The following TRAF5 variants were observed in gnomAD, a reference collection of about 807,000 sequenced individuals.
TRAF5 encodes TNF receptor associated factor 5.
A neutral mutation model predicts 64.5 loss-of-function variants in TRAF5; 48 were observed. The ratio of observed to expected loss-of-function variants is 0.74; its 90% CI spans 0.59 to 0.95. TRAF5 has a LOEUF of 0.95. TRAF5 is among the 40% of genes least tolerant of loss of function. The pLI, the probability that TRAF5 is intolerant of heterozygous loss-of-function variation, is 0.00. For synonymous variants in TRAF5, 206 were observed against 240.5 expected (o/e 0.86, Z 1.33); for missense variants, 545 against 662.8 (o/e 0.82, Z 1.95).
intron 1 of TRAF5, among the ~76,000 whole-genome samples, chr1:211,335,399 G>A (rs1156819830): frequency 1.3e-5 from 2 of 152,292 alleles, no homozygotes; most frequent in African/African-American, 4.8e-5. Context: ...ACCCCAAGTG[G>A]CAACTGTTAA....
chr1:211,364,642 T>C (rs1397806684), intron 7 of TRAF5, among the ~76,000 whole-genome samples: 1 of 151,918 alleles, frequency 6.6e-6, no homozygotes, highest in African/African-American at 2.4e-5. Context: ...GCCAAGGTTG[T>C]GCCACCATAC....
intron 1 of TRAF5, among the ~76,000 whole-genome samples, chr1:211,331,569 T>C (rs951982960): frequency 6.6e-6 from 1 of 152,164 alleles, no homozygotes; most frequent in Non-Finnish European, 1.5e-5. Context: ...TAGAGCATTG[T>C]GGGGTTTCTG....
chr1:211,345,764 C>T (rs773226908), intron 1 of TRAF5, among the ~76,000 whole-genome samples: 4 of 152,202 alleles, frequency 2.6e-5, no homozygotes, highest in Non-Finnish European at 5.9e-5. Flanking sequence ...GAGGGGCCAT[C>T]TGGTGTCATT....
At chr1:211,365,214 C>T (rs971458988) in intron 7 of TRAF5, among the ~76,000 whole-genome samples, 162 bp from the exon 8 acceptor site, 1 of 151,916 alleles carries the variant, frequency 6.6e-6, no homozygotes, top group African/African-American at 2.4e-5. Context: ...AAAAGGGACC[C>T]ACTGGAGTCA....
chr1:211,326,803 T>C (rs1572044359), upstream of TRAF5: 2 of 983,946 alleles, frequency 2.0e-6, no homozygotes, highest in Non-Finnish European at 1.2e-6. This position sits in a 1 kb window ranked among gnomAD's most constrained non-coding sequence, Gnocchi z 5.0. Context: ...AGGCCTCGCC[T>C]CCGCTTCGCC....
intron 8 of TRAF5, 33 bp from the exon 9 acceptor site, chr1:211,369,419 T>C: frequency 6.4e-7 from 1 of 1,558,118 alleles, no homozygotes; most frequent in Non-Finnish European, 8.6e-7. Flanking sequence ...TTATATTCAG[T>C]GACTTTATTT....
intron 1 of TRAF5, among the ~76,000 whole-genome samples, chr1:211,340,074 C>G (rs1382896116): frequency 6.6e-6 from 1 of 151,918 alleles, no homozygotes; most frequent in African/African-American, 2.4e-5. Flanking sequence ...TTCTGTAGCC[C>G]GTCTAGGGTG....
chr1:211,368,664 A>G (rs1703429417), intron 8 of TRAF5, among the ~76,000 whole-genome samples: 1 of 152,246 alleles, frequency 6.6e-6, no homozygotes, highest in Admixed American at 6.5e-5. Flanking sequence ...ACTGTTGCAG[A>G]TTGAATGGAT....
chr1:211,344,746 C>T (rs1420626551), intron 1 of TRAF5, among the ~76,000 whole-genome samples: 3 of 152,092 alleles, frequency 2.0e-5, no homozygotes, highest in Non-Finnish European at 4.4e-5. Context: ...TCTCCTCCTT[C>T]GTTTTCCTTT....
chr1:211,372,190 AG>A lies in TRAF5; in HGVS notation c.1163del (p.Ser388IlefsTer23), dbSNP rs1161022133. ...CATTAATATTCATAAAGCACAGCTG[AG>A]TAAAAATGAAGAGCGATTTAAACTG... ...THINIHKAQLSKNEERFKLLE... is the reference protein window; with the variant it reads ...THINIHKAQLXKNEERFKLLE... On this transcript the variant is annotated frameshift_variant, in exon 11 of 11. Transcript: ENST00000261464. LOFTEE classifies it high-confidence loss of function. 1.9e-6 allele frequency: 3 copies of A among 1,613,940 alleles called. No homozygotes were observed. Among genetic ancestry groups the A allele is most frequent in the Middle Eastern group, 3.3e-4 (2 of 6,058 alleles).
chr1:211,357,711 C>T (rs1220648486), intron 4 of TRAF5: 1 of 152,120 alleles, frequency 6.6e-6, no homozygotes, highest in Non-Finnish European at 1.5e-5. Flanking sequence ...AGATGGATTC[C>T]AACTGTGATC....
At chr1:211,359,368 T>C (rs1346982028) in intron 4 of TRAF5, 1 of 152,326 alleles carries the variant, frequency 6.6e-6, no homozygotes, top group African/African-American at 2.4e-5. Context: ...TCTTTATCAT[T>C]TCTGGAATAG....
chr1:211,372,024 A>C (rs1334721542), intron 10 of TRAF5, 104 bp from the exon 11 acceptor site: 10 of 985,884 alleles, frequency 1.0e-5, no homozygotes, highest in Non-Finnish European at 1.5e-5. Flanking sequence ...GGATGGCAGG[A>C]TTTTGTTGAT....
chr1:211,372,511 A>C lies in TRAF5; in HGVS notation c.1483A>C (p.Ile495Leu), dbSNP rs1703571900. The change falls in exon 11 of 11, where the codon ATT (isoleucine) becomes CTT (leucine). Residue 495 changes from isoleucine (I) to leucine (L), a missense_variant. Transcript: ENST00000261464. ...MLLDQSGKKN[I>L]METFKPDPNS... is the part of the protein sequence containing the mutation. Reference sequence around the variant, plus strand: ...TCTGGACCAGAGTGGCAAAAAGAACATTATGGAGACCTTCAAACCTGACCC... The same window carrying C: ...TCTGGACCAGAGTGGCAAAAAGAACCTTATGGAGACCTTCAAACCTGACCC... 1.7e-5 allele frequency: 28 copies of C among 1,614,220 alleles called. No homozygotes were observed. Among genetic ancestry groups the C allele is most frequent in the Non-Finnish European group, 2.4e-5 (28 of 1,180,026 alleles).
intron 8 of TRAF5, among the ~76,000 whole-genome samples, chr1:211,366,340 C>G (rs962752857): frequency 5.9e-5 from 9 of 152,164 alleles, no homozygotes; most frequent in Non-Finnish European, 1.2e-4. Flanking sequence ...AGTAACCGTT[C>G]CCAAGTTTTT....
chr1:211,347,452 C>T (rs1024998021), intron 1 of TRAF5, among the ~76,000 whole-genome samples: 26 of 152,032 alleles, frequency 1.7e-4, no homozygotes, highest in African/African-American at 6.0e-4. Flanking sequence ...ATCTCATGGC[C>T]GAACATAAAT....
intron 1 of TRAF5, among the ~76,000 whole-genome samples, chr1:211,328,269 T>G (rs533875576): frequency 2.0e-5 from 3 of 152,324 alleles, no homozygotes; most frequent in African/African-American, 7.2e-5. Flanking sequence ...ACGATGGATG[T>G]AAGATGGAAG....
chr1:211,333,212 G>A (rs1702202700), intron 1 of TRAF5, among the ~76,000 whole-genome samples: 2 of 151,962 alleles, frequency 1.3e-5, no homozygotes, highest in East Asian at 1.9e-4. Context: ...TTTTTGAGAC[G>A]GAGTCTTGCT....
At chr1:211,345,039 C>T (rs1225233364) in intron 1 of TRAF5, among the ~76,000 whole-genome samples, 2 of 152,204 alleles carry the variant, frequency 1.3e-5, no homozygotes, top group African/African-American at 4.8e-5. Flanking sequence ...CTGCCTTAGC[C>T]TCCCAAGTAG....
Sources: allele counts gnomAD v4.1 joint callset (sites outside exome capture counted in the v4.1 genomes callset), GRCh38; gene constraint gnomAD v4.1.1; non-coding constraint Gnocchi (gnomAD v3.1); transcripts MANE v1.5; gene names NCBI Gene and HGNC (gene_info 2026-07-23, HGNC 2026-07-21).